The following APBA2 variants were observed in gnomAD, a reference collection of about 807,000 sequenced individuals.
APBA2 encodes amyloid-beta A4 precursor protein-binding family A member 2.
A neutral mutation model predicts 75.0 loss-of-function variants in APBA2; 30 were observed. The observed-to-expected ratio is 0.40, with a 90% CI of 0.30 to 0.54. The LOEUF is 0.54. Among genes scored for constraint, APBA2 ranks in the 20% least tolerant of loss-of-function variants. The pLI is 0.49. For synonymous variants in APBA2, 444 were observed against 409.6 expected, an observed-to-expected ratio of 1.08 and a Z score of -1.01; for missense variants, 801 against 1,016.1, an observed-to-expected ratio of 0.79 and a Z score of 2.88.
intron 11 of APBA2, among the ~76,000 whole-genome samples, chr15:29,106,302 G>C (rs1253376222): frequency 6.6e-6 from 1 of 151,968 alleles, no homozygotes; most frequent in Non-Finnish European, 1.5e-5. Context: ...GGGAAGGTCA[G>C]TGTTGGGCAC....
intron 6 of APBA2, among the ~76,000 whole-genome samples, chr15:29,080,074 A>G (rs1181137423): frequency 6.6e-6 from 1 of 152,182 alleles, no homozygotes; most frequent in Non-Finnish European, 1.5e-5. Flanking sequence ...GGTGCTTGAC[A>G]CATAAACTCG....
chr15:28,986,456 A>G (rs1362662054), intron 2 of APBA2, among the ~76,000 whole-genome samples: 1 of 152,192 alleles, frequency 6.6e-6, no homozygotes, highest in Non-Finnish European at 1.5e-5. Context: ...TGTACTTAGC[A>G]GGTCACTACT....
intron 2 of APBA2, among the ~76,000 whole-genome samples, chr15:28,932,238 G>C (rs1395013279): frequency 6.6e-6 from 1 of 152,172 alleles, no homozygotes; most frequent in East Asian, 1.9e-4. Context: ...AGGTTTTTCT[G>C]AACCCTGGAG....
At chr15:29,060,438 A>C (rs1238038221) in intron 4 of APBA2, among the ~76,000 whole-genome samples, 1 of 152,136 alleles carries the variant, frequency 6.6e-6, no homozygotes, top group Non-Finnish European at 1.5e-5. Context: ...TGAGAAGAGA[A>C]AGCGTCCAGT....
In APBA2 at chr15:28,959,579, G is replaced by T. The variant is rs533620746; in HGVS notation, c.-94-36174G>T. Among the ~76,000 whole-genome samples, 574 of 90,522 alleles carry T rather than the reference G, an allele frequency of 6.3e-3. 4 individuals are homozygous for T. The highest frequency in any genetic ancestry group is 0.022 in the Middle Eastern group (5 of 230). The allele number at this position is 90,522 out of a possible 152,430, so 59.4% of individuals were successfully genotyped here. A position where few individuals can be genotyped will look rare whatever the true frequency, so the allele number is the denominator to read the frequency against. ...CCAGCCCTGCTGACACCATAATCTCGACTTCCAGTCGCCAGAACTGGAAGA... is the reference window on the plus strand; with the variant it reads ...CCAGCCCTGCTGACACCATAATCTCTACTTCCAGTCGCCAGAACTGGAAGA... On this transcript the variant is annotated intron_variant, in intron 2 of 14. Transcript: ENST00000683413.
chr15:29,092,143 C>T lies in APBA2; in HGVS notation c.1070-932C>T, dbSNP rs537400411. On this transcript the variant is annotated intron_variant, in intron 6 of 14. Transcript: ENST00000683413. ...GCACACAGCCACACCTCCTGTTTTA[C>T]ATACTGTCTACGGCTACCTTTACGC... Among the ~76,000 whole-genome samples the T allele has an allele frequency of 8.5e-5, 13 of 152,310 alleles. No individual in the cohort carries two copies. In the South Asian group the frequency reaches 2.3e-3, roughly 27 times the overall value.
chr15:29,113,577 C>T (rs1350390651), intron 13 of APBA2, among the ~76,000 whole-genome samples: 1 of 152,176 alleles, frequency 6.6e-6, no homozygotes, highest in African/African-American at 2.4e-5. Flanking sequence ...TGGGCTGTGT[C>T]ACCAGTCTCT....
chr15:29,058,095 A>G (rs1279945438), intron 4 of APBA2, among the ~76,000 whole-genome samples: 1 of 152,156 alleles, frequency 6.6e-6, no homozygotes, highest in Non-Finnish European at 1.5e-5. Flanking sequence ...TAAGATGTTA[A>G]TGACTCATCT....
At chr15:29,076,217 G>C (rs2042844469) in intron 6 of APBA2, 126 bp downstream of exon 6, 1 of 1,043,638 alleles carries the variant, frequency 9.6e-7, no homozygotes. Context: ...CCAGCAAGGT[G>C]CTTGGCCATT....
intron 4 of APBA2, among the ~76,000 whole-genome samples, chr15:29,061,881 A>G (rs2152902952): frequency 6.6e-6 from 1 of 152,352 alleles, no homozygotes; most frequent in Non-Finnish European, 1.5e-5. Context: ...GACTGAGACA[A>G]GAGTGGCATG....
rs138940957 is a variant in APBA2, at chr15:28,969,128, TTTTCTTTCTTTCTTTCTTTCTTTC to T, written c.-94-26593_-94-26570del. On this transcript the variant is annotated intron_variant, in intron 2 of 14. Transcript: ENST00000683413. ...TACAAAAACCTTACCTTTCATTTCT[TTTTCTTTCTTTCTTTCTTTCTTTC>T]TTTCTTTCTTTCTTTCTTTCTTTCT... 7.0e-3 allele frequency among the ~76,000 whole-genome samples: 956 copies of T among 137,136 alleles called. 9 individuals carry two copies. The highest frequency in any genetic ancestry group is 0.025 in the South Asian group (101 of 3,976). 90.0% of individuals were successfully genotyped at this position (137,136 alleles called of 152,430 possible). A position where few individuals can be genotyped will look rare whatever the true frequency, so the allele number is the denominator to read the frequency against.
intron 3 of APBA2, among the ~76,000 whole-genome samples, chr15:28,997,468 A>G (rs1406601666): frequency 1.3e-5 from 2 of 152,038 alleles, no homozygotes; most frequent in African/African-American, 4.8e-5. Context: ...TACATCATCC[A>G]CTCTCAGCTC....
chr15:29,116,374 C>T (rs926138090), intron 14 of APBA2, among the ~76,000 whole-genome samples: 1 of 152,038 alleles, frequency 6.6e-6, no homozygotes, highest in African/African-American at 2.4e-5. Flanking sequence ...GGCCTGTAAT[C>T]CCAGCACTTT....
chr15:29,101,931 C>T, intron 10 of APBA2, 147 bp downstream of exon 10: 1 of 824,378 alleles, frequency 1.2e-6, no homozygotes, highest in Admixed American at 2.1e-5. Flanking sequence ...CTTTTGCATA[C>T]TCTTTGGGTT....
intron 1 of APBA2, among the ~76,000 whole-genome samples, chr15:28,891,410 G>T (rs1262634304): frequency 6.6e-6 from 1 of 152,108 alleles, no homozygotes; most frequent in African/African-American, 2.4e-5. Flanking sequence ...TTTTTCACGG[G>T]GTGGGCATGA....
intron 1 of APBA2, among the ~76,000 whole-genome samples, chr15:28,888,566 C>G (rs149526929): frequency 3.0e-4 from 46 of 152,302 alleles, no homozygotes; most frequent in Non-Finnish European, 4.3e-4. Context: ...TCAGGTGACA[C>G]CATGGTCCGA....
intron 14 of APBA2, among the ~76,000 whole-genome samples, 165 bp from the exon 15 acceptor site, chr15:29,116,897 A>C (rs1380969969): frequency 6.6e-6 from 1 of 152,206 alleles, no homozygotes; most frequent in Non-Finnish European, 1.5e-5. Flanking sequence ...TCTGGAAGGC[A>C]TCATAAGTGT....
chr15:29,070,609 A>G (rs75421561), intron 4 of APBA2: 5,497 of 165,336 alleles, frequency 0.033, 191 homozygotes, highest in African/African-American at 0.091. Flanking sequence ...ACAATACCGT[A>G]ATGTTTTCTG....
At position 29,092,267 on chromosome 15, in the gene APBA2, G is replaced by T. The variant is rs58482887; in HGVS notation, c.1070-808G>T. On this transcript the variant is annotated intron_variant, in intron 6 of 14. Transcript: ENST00000683413. ...AAAGGTTTGCCCACCCCTAGCTGGA[G>T]CCTTATTGTCTGGCATAGGAGCCAC... 5.2e-3 allele frequency among the ~76,000 whole-genome samples: 796 copies of T among 152,320 alleles called. 3 individuals carry two copies. The highest frequency in any genetic ancestry group is 0.019 in the African/African-American group (776 of 41,568).
Sources: allele counts gnomAD v4.1 joint callset (sites outside exome capture counted in the v4.1 genomes callset), GRCh38; gene constraint gnomAD v4.1.1; transcripts MANE v1.5; gene names NCBI Gene and HGNC (gene_info 2026-07-23, HGNC 2026-07-21).